ZMYND11: variants seen among roughly 807,000 people sequenced by gnomAD.
The protein encoded by ZMYND11 is zinc finger MYND domain-containing protein 11.
Under a neutral mutation model 84.9 loss-of-function variants are expected in ZMYND11, and 9 were observed. The observed-to-expected ratio is 0.11, with a 90% confidence interval of 0.06 to 0.18. ZMYND11 has a LOEUF of 0.18. Among genes scored for constraint, ZMYND11 ranks in the 10% least tolerant of loss-of-function variants. ZMYND11 has a pLI of 1.00. For missense variants in ZMYND11, 409 were observed against 761.0 expected (o/e 0.54, Z 5.44); for synonymous variants, 250 against 244.1 (o/e 1.02, Z -0.23).
chr10:250,522 C>T (rs956565414), intron 14 of ZMYND11, among the ~76,000 whole-genome samples: 6 of 151,704 alleles, frequency 4.0e-5, no homozygotes, highest in South Asian at 4.2e-4. Flanking sequence ...GTAGAAATCT[C>T]TTAAGTTTAC....
intron 2 of ZMYND11, among the ~76,000 whole-genome samples, chr10:193,839 GATA>G (rs1169816869): frequency 1.3e-5 from 2 of 152,156 alleles, no homozygotes; most frequent in South Asian, 2.1e-4. Flanking sequence ...TATTTTCCAT[GATA>G]ATCTTTTCTT....
Position 212,578 on chromosome 10 carries a change from C to A in ZMYND11, c.276+2530C>A, listed in dbSNP as rs144204231. ...TTCAAGCCTTTATTTAGTTATGCAA[C>A]CTTGAGGAAATTTCTTAGCCTCTGA... is the stretch of plus-strand genomic sequence containing the variant. On this transcript the variant is annotated intron_variant, in intron 3 of 14. Transcript: ENST00000381604. 6.5e-4 allele frequency among the ~76,000 whole-genome samples: 98 copies of A among 151,462 alleles called. No individual in the cohort carries two copies. In the East Asian group the frequency reaches 0.018, roughly 27 times the overall value.
At chr10:186,892 A>G (rs1938717428) in intron 2 of ZMYND11, among the ~76,000 whole-genome samples, 2 of 152,104 alleles carry the variant, frequency 1.3e-5, no homozygotes, top group African/African-American at 4.8e-5. Context: ...CTCCCCAAGA[A>G]AGAGAGTTCC....
intron 2 of ZMYND11, among the ~76,000 whole-genome samples, chr10:191,997 A>G (rs1377234213): frequency 2.6e-5 from 4 of 152,244 alleles, no homozygotes; most frequent in Admixed American, 1.3e-4. Flanking sequence ...CCCTCAAAAC[A>G]ACAGCATGGG....
Position 239,540 on chromosome 10 carries a change from T to TGTG in ZMYND11, c.697+15_697+16insGTG. The TGTG allele has an allele frequency of 6.9e-7, 1 of 1,439,902 alleles. No individual in the cohort carries two copies. The highest frequency in any genetic ancestry group is 9.1e-7 in the Non-Finnish European group (1 of 1,097,548). The allele number at this position is 1,439,902 out of a possible 1,614,324, so 89.2% of individuals were successfully genotyped here. On this transcript the variant is annotated intron_variant, in intron 7 of 14. Transcript: ENST00000381604. ...TTTCTATGGAGGTTGAATATTTTTG[T>TGTG]TTTTTTTGTATGCATTTTTAAACAC... is the stretch of plus-strand genomic sequence containing the variant.
chr10:151,330 G>A (rs1208453571), intron 1 of ZMYND11, among the ~76,000 whole-genome samples: 7 of 152,110 alleles, frequency 4.6e-5, no homozygotes, highest in Admixed American at 6.6e-5. Flanking sequence ...AAGATTAGAC[G>A]GATGGCTAAC....
At chr10:192,552 A>T (rs1475688073) in intron 2 of ZMYND11, among the ~76,000 whole-genome samples, 2 of 152,214 alleles carry the variant, frequency 1.3e-5, no homozygotes, top group African/African-American at 2.4e-5. Flanking sequence ...CACAGATGAC[A>T]CTACAAGGAA....
At chr10:137,012 C>T (rs2131052273) in intron 1 of ZMYND11, among the ~76,000 whole-genome samples, 1 of 152,068 alleles carries the variant, frequency 6.6e-6, no homozygotes, top group East Asian at 1.9e-4. Context: ...GTGGCATGTA[C>T]AGTATGTATA....
chr10:187,319 G>C (rs1353872160), intron 2 of ZMYND11, among the ~76,000 whole-genome samples: 1 of 152,216 alleles, frequency 6.6e-6, no homozygotes, highest in African/African-American at 2.4e-5. Flanking sequence ...TCACTGCTAA[G>C]ATGTTTTGAA....
At chr10:179,210 T>G (rs1227880551) in intron 1 of ZMYND11, among the ~76,000 whole-genome samples, 2 of 152,186 alleles carry the variant, frequency 1.3e-5, no homozygotes, top group East Asian at 1.9e-4. Context: ...ATCCTCTCTG[T>G]GATACCACTG....
chr10:136,553 C>T (rs1321576399), intron 1 of ZMYND11, among the ~76,000 whole-genome samples: 1 of 152,134 alleles, frequency 6.6e-6, no homozygotes, highest in Non-Finnish European at 1.5e-5. Context: ...GTGCACTCAG[C>T]CCCCGGTATT....
chr10:149,405 G>A (rs1554756359), intron 1 of ZMYND11, among the ~76,000 whole-genome samples: 2 of 151,506 alleles, frequency 1.3e-5, no homozygotes, highest in South Asian at 2.1e-4. Flanking sequence ...CCGCCTCCTG[G>A]GTTCACGCCA....
At chr10:197,783 C>A (rs758542216) in intron 2 of ZMYND11, 10 of 353,806 alleles carry the variant, frequency 2.8e-5, no homozygotes, top group Non-Finnish European at 5.1e-5. Flanking sequence ...ATTTCAGAGG[C>A]AATTTTAATT....
At chr10:162,682 G>A (rs1554762367) in intron 1 of ZMYND11, among the ~76,000 whole-genome samples, 3 of 151,956 alleles carry the variant, frequency 2.0e-5, no homozygotes, top group African/African-American at 7.3e-5. Context: ...AACCATCATT[G>A]CCTTTCTGTA....
chr10:134,911 G>T (rs1835521280), upstream of ZMYND11: 1 of 150,908 alleles, frequency 6.6e-6, no homozygotes, highest in African/African-American at 2.4e-5. Context: ...CGCGTGCACG[G>T]CTCCGGCCCC....
intron 2 of ZMYND11, among the ~76,000 whole-genome samples, chr10:180,352 T>A (rs370314477): frequency 6.6e-6 from 1 of 152,234 alleles, no homozygotes; most frequent in African/African-American, 2.4e-5. Flanking sequence ...AATATCACTA[T>A]ATACTATTTA....
In ZMYND11 at chr10:240,849, A is replaced by G. The variant is rs150539435; in HGVS notation, c.754-44A>G. 3 of 1,320,392 alleles carry G rather than the reference A, an allele frequency of 2.3e-6. No individual in the cohort carries two copies. In the East Asian group the frequency reaches 6.9e-5, roughly 30 times the overall value. 81.8% of individuals were successfully genotyped at this position (1,320,392 alleles called of 1,614,324 possible). Reference sequence around the variant, plus strand: ...ATACATTTTATATAGTTTAATGTGTATGTATATTTTATGTAGGCTAAAGTA... The same window carrying G: ...ATACATTTTATATAGTTTAATGTGTGTGTATATTTTATGTAGGCTAAAGTA... On this transcript the variant is annotated intron_variant, in intron 8 of 14. Coordinates refer to ENST00000381604, the MANE Select transcript of ZMYND11 (RefSeq NM_001370100.5).
intron 10 of ZMYND11, among the ~76,000 whole-genome samples, chr10:242,350 G>GTTGAACTTCAGAAGCACATTA (rs1951158984): frequency 6.6e-6 from 1 of 152,162 alleles, no homozygotes; most frequent in Non-Finnish European, 1.5e-5. Context: ...AACTGACACT[G>GTTGAACTTCAGAAGCACATTA]TTGAACTTCA....
At chr10:202,803 A>G (rs995606245) in intron 2 of ZMYND11, among the ~76,000 whole-genome samples, 2 of 152,196 alleles carry the variant, frequency 1.3e-5, no homozygotes, top group African/African-American at 2.4e-5. Flanking sequence ...TCACTTTAAA[A>G]TAAGAAAGTT....
Sources: allele counts gnomAD v4.1 joint callset (sites outside exome capture counted in the v4.1 genomes callset), GRCh38; gene constraint gnomAD v4.1.1; transcripts MANE v1.5; gene names NCBI Gene and HGNC (gene_info 2026-07-23, HGNC 2026-07-21).